Variants in IL1RAPL2 observed in about 807,000 individuals in gnomAD.
The protein encoded by IL1RAPL2 is X-linked interleukin-1 receptor accessory protein-like 2.
Under a neutral mutation model 44.1 loss-of-function variants are expected in IL1RAPL2, and 3 were observed. That is an observed-to-expected ratio of 0.07 (90% CI 0.03 to 0.18). The LOEUF (loss-of-function observed/expected upper bound fraction) is 0.18. Among genes scored for constraint, IL1RAPL2 ranks in the 10% least tolerant of loss-of-function variants. IL1RAPL2 has a pLI of 1.00. For synonymous variants in IL1RAPL2, 181 were observed against 178.8 expected (o/e 1.01, Z -0.10); for missense variants, 391 against 496.4 (o/e 0.79, Z 2.02).
chrX:105,254,687 G>T (rs1159133194), intron 4 of IL1RAPL2, among the ~76,000 whole-genome samples: 2 of 111,709 alleles, frequency 1.8e-5, no homozygotes, highest in African/African-American at 6.5e-5. Context: ...ATAGTTTGGG[G>T]TTCTACATTT....
rs575877579 is a variant in IL1RAPL2, at chrX:104,631,084, C to T, written c.-19-27811C>T. Among the ~76,000 whole-genome samples the T allele has an allele frequency of 1.9e-4, 21 of 110,749 alleles. No homozygotes were observed. In the South Asian group the frequency reaches 6.8e-3, roughly 36 times the overall value. On this transcript the variant is annotated intron_variant, in intron 1 of 10. Coordinates refer to ENST00000372582, the MANE Select transcript of IL1RAPL2 (RefSeq NM_017416.2). ...ATTCCCACCTATGAGTGAGAATATGCGGTGTTTGGTTTTTTGTCCTTGTGA... is the reference window on the plus strand; with the variant it reads ...ATTCCCACCTATGAGTGAGAATATGTGGTGTTTGGTTTTTTGTCCTTGTGA...
At position 104,841,003 on chromosome X, in the gene IL1RAPL2, T is replaced by C. The variant is rs144713704; in HGVS notation, c.82+182008T>C. 5.9e-3 allele frequency among the ~76,000 whole-genome samples: 655 copies of C among 111,163 alleles called. 3 individuals are homozygous for C. The highest frequency in any genetic ancestry group is 8.6e-3 in the Non-Finnish European group (455 of 52,988). On this transcript the variant is annotated intron_variant, in intron 2 of 10. Transcript: ENST00000372582. ...CCACGCCCAGCCTAAAGTCTCCCAC[T>C]GTTATTGTGTGAGAGTCTAAGTCTC...
chrX:104,818,015 T>A (rs1052141303), intron 2 of IL1RAPL2, among the ~76,000 whole-genome samples: 1 of 110,487 alleles, frequency 9.1e-6, no homozygotes, highest in Non-Finnish European at 1.9e-5. Context: ...ACAAGTTTTG[T>A]TTTTTGACAT....
rs149823582 is a variant in IL1RAPL2, at chrX:105,191,796, C to T, written c.83-3679C>T. Among the ~76,000 whole-genome samples, 116 of 112,066 alleles carry T rather than the reference C, an allele frequency of 1.0e-3. 2 individuals carry two copies. The East Asian group carries it at 0.025, about 24-fold the overall frequency. ...CACTTATACTTTCAGTGGGTTCGTTCCGTAGCAAGCTTCAGTCCAACTGCA... is the reference window on the plus strand; with the variant it reads ...CACTTATACTTTCAGTGGGTTCGTTTCGTAGCAAGCTTCAGTCCAACTGCA... On this transcript the variant is annotated intron_variant, in intron 2 of 10. Transcript: ENST00000372582.
chrX:104,719,879 C>A (rs938268456), intron 2 of IL1RAPL2, among the ~76,000 whole-genome samples: 4 of 111,337 alleles, frequency 3.6e-5, no homozygotes, highest in Non-Finnish European at 7.6e-5. Context: ...CCCTGATTTG[C>A]CTCAGGGAAG....
At chrX:105,729,188 C>T (rs1433966913) in intron 7 of IL1RAPL2, among the ~76,000 whole-genome samples, 1 of 111,595 alleles carries the variant, frequency 9.0e-6, no homozygotes, top group Non-Finnish European at 1.9e-5. Flanking sequence ...CTGCTATAAA[C>T]ACTTGTGCAA....
At chrX:105,577,393 A>G (rs1214994040) in intron 6 of IL1RAPL2, among the ~76,000 whole-genome samples, 1 of 110,914 alleles carries the variant, frequency 9.0e-6, no homozygotes. Context: ...GTGCTAAATG[A>G]TAATGGCACT....
At chrX:104,661,240 C>G (rs1777493693) in intron 2 of IL1RAPL2, among the ~76,000 whole-genome samples, 1 of 111,424 alleles carries the variant, frequency 9.0e-6, no homozygotes, top group Non-Finnish European at 1.9e-5. Context: ...GCTGCACTCC[C>G]CCTCCATCCC....
chrX:104,667,261 C>G (rs1215850910), intron 2 of IL1RAPL2, among the ~76,000 whole-genome samples: 1 of 111,706 alleles, frequency 9.0e-6, no homozygotes, highest in East Asian at 2.8e-4. Context: ...CAAGGATTGT[C>G]TTAGAAATAG....
chrX:104,685,568 A>G (rs750375236), intron 2 of IL1RAPL2, among the ~76,000 whole-genome samples: 39 of 111,320 alleles, frequency 3.5e-4, no homozygotes, highest in Non-Finnish European at 5.3e-4. Flanking sequence ...GAAGTTATCT[A>G]CTGGGCAAGA....
intron 5 of IL1RAPL2, among the ~76,000 whole-genome samples, chrX:105,375,041 G>A (rs2035376582): frequency 9.1e-6 from 1 of 109,737 alleles, no homozygotes; most frequent in Admixed American, 9.8e-5. Context: ...AAGTGTATAA[G>A]GTTTTCTAGA....
intron 7 of IL1RAPL2, 137 bp downstream of exon 7, chrX:105,717,633 C>A: frequency 6.0e-6 from 3 of 502,172 alleles, no homozygotes; most frequent in Non-Finnish European, 8.9e-6. Context: ...TTAAGAAATG[C>A]CAATGTGTAA....
intron 2 of IL1RAPL2, among the ~76,000 whole-genome samples, chrX:104,749,620 C>T (rs958552023): frequency 5.4e-5 from 6 of 110,986 alleles, no homozygotes; most frequent in Non-Finnish European, 1.1e-4. Context: ...TAGAGTTGAC[C>T]ATAAAACAAG....
chrX:104,781,685 A>G (rs1932775270), intron 2 of IL1RAPL2, among the ~76,000 whole-genome samples: 1 of 111,868 alleles, frequency 8.9e-6, no homozygotes, highest in African/African-American at 3.3e-5. Context: ...CATTTCTAAG[A>G]ATGTGAAGCA....
chrX:105,170,353 T>C (rs1015425022), intron 2 of IL1RAPL2, among the ~76,000 whole-genome samples: 3 of 111,728 alleles, frequency 2.7e-5, no homozygotes, highest in Non-Finnish European at 5.6e-5. Flanking sequence ...ATATAGATGA[T>C]CATTCCTTAT....
Position 105,083,463 on chromosome X carries a change from T to C in IL1RAPL2, c.83-112012T>C, listed in dbSNP as rs767268607. Among the ~76,000 whole-genome samples the C allele has an allele frequency of 2.6e-4, 29 of 110,102 alleles. No homozygotes were observed. The South Asian group carries it at 9.6e-3, about 36-fold the overall frequency. On this transcript the variant is annotated intron_variant, in intron 2 of 10. Coordinates refer to ENST00000372582, the MANE Select transcript of IL1RAPL2 (RefSeq NM_017416.2). ...AGGAAATACAGAGAATACCACAAGA[T>C]AGTTGTCAAGTATCTACTTTGTCAA...
At chrX:105,379,176 G>A (rs1243779900) in intron 5 of IL1RAPL2, among the ~76,000 whole-genome samples, 5 of 111,524 alleles carry the variant, frequency 4.5e-5, no homozygotes, top group East Asian at 2.8e-4. Context: ...GAATGTTATC[G>A]GTAATTTCAA....
intron 6 of IL1RAPL2, among the ~76,000 whole-genome samples, chrX:105,696,314 G>A (rs1243998528): frequency 9.0e-6 from 1 of 111,562 alleles, no homozygotes; most frequent in Non-Finnish European, 1.9e-5. Context: ...CCAGGACTAG[G>A]GTGAGGGGGC....
intron 2 of IL1RAPL2, among the ~76,000 whole-genome samples, chrX:105,037,538 T>G (rs2031651658): frequency 9.0e-6 from 1 of 110,812 alleles, no homozygotes; most frequent in Non-Finnish European, 1.9e-5. Context: ...GGCTTCAAAT[T>G]ATTACCTTGC....
Sources: gnomAD v4.1 joint callset for allele counts (sites outside exome capture counted in the v4.1 genomes callset) on GRCh38, gnomAD v4.1.1 for gene constraint, MANE v1.5 for transcripts, NCBI Gene and HGNC (gene_info 2026-07-23, HGNC 2026-07-21) for gene names.